Variants in ITPA observed in about 807,000 individuals in gnomAD.
ITPA encodes inosine triphosphate pyrophosphatase.
Under a neutral mutation model 29.6 loss-of-function variants are expected in ITPA, and 29 were observed. The ratio of observed to expected loss-of-function variants is 0.98; its 90% confidence interval spans 0.73 to 1.34. The LOEUF (loss-of-function observed/expected upper bound fraction) is 1.34. Ranked by LOEUF, ITPA falls within the 40% of genes most tolerant of loss-of-function variation. The pLI is 0.00. For missense variants in ITPA, 241 were observed against 251.5 expected (o/e 0.96, Z 0.28); for synonymous variants, 103 against 99.3 (o/e 1.04, Z -0.22).
intron 5 of ITPA, among the ~76,000 whole-genome samples, chr20:3,218,063 A>G (rs538174837): frequency 5.9e-5 from 9 of 152,224 alleles, no homozygotes; most frequent in East Asian, 1.9e-4. Context: ...AGCTACAGGC[A>G]TCAGCCACCA....
At chr20:3,204,466 C>A, upstream of ITPA, 1 of 1,458,010 alleles carries the variant, frequency 6.9e-7, no homozygotes, top group Non-Finnish European at 9.2e-7. Context: ...AGCCGCGGCG[C>A]GACGGTCCAC....
Position 3,215,286 on chromosome 20 carries a change from G to T in ITPA, c.269G>T (p.Trp90Leu). Residue 90 changes from tryptophan to leucine, a missense_variant, in exon 5 of 8, where the codon TGG (tryptophan) becomes TTG (leucine). Coordinates refer to ENST00000380113, the MANE Select transcript of ITPA (RefSeq NM_033453.4). Reference sequence around the variant, plus strand: ...GTCCTTTCTTTCTCTTGCAGAAAGTGGTTTCTGGAGAAGTTAAAGCCTGAA... The same window carrying T: ...GTCCTTTCTTTCTCTTGCAGAAAGTTGTTTCTGGAGAAGTTAAAGCCTGAA... ...LGGLPGPYIK[W>L]FLEKLKPEGL... 6.2e-7 allele frequency: 1 copy of T among 1,613,896 alleles called. No individual in the cohort carries two copies.
chr20:3,218,738 G>A, intron 6 of ITPA, 106 bp downstream of exon 6: 1 of 786,136 alleles, frequency 1.3e-6, no homozygotes, highest in South Asian at 1.4e-5. Flanking sequence ...GGGCGCCTTG[G>A]GGCCAGAGAT....
chr20:3,206,387 C>CAAAAA (rs143721062), upstream of ITPA, among the ~76,000 whole-genome samples: 1 of 33,622 alleles, frequency 3.0e-5, no homozygotes, highest in Non-Finnish European at 5.7e-5. Context: ...GACTCAGTCT[C>CAAAAA]AAAAAAAAAA....
At chr20:3,213,097 C>A in intron 1 of ITPA, 72 bp from the exon 2 acceptor site, 1 of 1,430,040 alleles carries the variant, frequency 7.0e-7, no homozygotes, top group Non-Finnish European at 9.9e-7. Context: ...ATGAGAAAGG[C>A]GGATGACAGC....
chr20:3,209,449 CT>C (rs1272764628), upstream of ITPA: 4 of 1,141,394 alleles, frequency 3.5e-6, no homozygotes, highest in Admixed American at 3.9e-5. The surrounding 1 kb of genome is among the most constrained non-coding windows in gnomAD (Gnocchi z 4.6). Flanking sequence ...CCCGGGACCC[CT>C]GGCCGGAAAC....
intron 6 of ITPA, chr20:3,219,169 A>G (rs1207886214): frequency 8.3e-6 from 1 of 120,438 alleles, no homozygotes; most frequent in African/African-American, 3.0e-5. Flanking sequence ...CCAGCTTTTC[A>G]TGTTTATGTA....
intron 6 of ITPA, among the ~76,000 whole-genome samples, chr20:3,219,746 CAAAAAAA>C (rs34376287): frequency 3.5e-5 from 4 of 115,188 alleles, no homozygotes; most frequent in Non-Finnish European, 6.8e-5. Flanking sequence ...ACTCCGTCTC[CAAAAAAA>C]AAAAAAAAAG....
At chr20:3,217,746 G>A (rs1327331113) in intron 5 of ITPA, among the ~76,000 whole-genome samples, 1 of 152,058 alleles carries the variant, frequency 6.6e-6, no homozygotes, top group African/African-American at 2.4e-5. Context: ...TGGGATTACA[G>A]GTATGAGCCA....
At chr20:3,227,021 G>A (rs536602054), downstream of ITPA, among the ~76,000 whole-genome samples, 1 of 152,298 alleles carries the variant, frequency 6.6e-6, no homozygotes, top group South Asian at 2.1e-4. Context: ...AGATGGGATG[G>A]TTCACAAGTG....
upstream of ITPA, among the ~76,000 whole-genome samples, chr20:3,205,179 C>T (rs2067062167): frequency 6.6e-6 from 1 of 152,126 alleles, no homozygotes; most frequent in African/African-American, 2.4e-5. Context: ...ACTAAACAAT[C>T]CCACATAGTG....
chr20:3,204,487 A>G (rs1416883845), upstream of ITPA: 2 of 1,524,260 alleles, frequency 1.3e-6, no homozygotes, highest in Admixed American at 2.0e-5. Flanking sequence ...AAAGGCTCAG[A>G]AGGCCAGAAA....
At chr20:3,211,402 G>T (rs1473875272) in intron 1 of ITPA, among the ~76,000 whole-genome samples, 1 of 152,040 alleles carries the variant, frequency 6.6e-6, no homozygotes, top group African/African-American at 2.4e-5. Flanking sequence ...CTGACCTCAA[G>T]TGATCCACCC....
intron 6 of ITPA, chr20:3,221,625 A>G (rs2067465436): frequency 6.2e-6 from 4 of 641,728 alleles, no homozygotes; most frequent in South Asian, 5.2e-5. Flanking sequence ...CTGTGGGTCC[A>G]TGCCTCCTCC....
chr20:3,213,270 C>G lies in ITPA; in HGVS notation c.124+44C>G, dbSNP rs369545461. 78 of 1,614,186 alleles carry G rather than the reference C, an allele frequency of 4.8e-5. No homozygotes were observed. The African/African-American group carries it at 9.5e-4, about 20-fold the overall frequency. ...TTATTTTTAAAAGATGGTTGGATTTCTCTGTCTTCCTGTGACCTGACTTTC... is the reference window on the plus strand; with the variant it reads ...TTATTTTTAAAAGATGGTTGGATTTGTCTGTCTTCCTGTGACCTGACTTTC... On this transcript the variant is annotated intron_variant, in intron 2 of 7. Coordinates refer to ENST00000380113, the MANE Select transcript of ITPA (RefSeq NM_033453.4).
At chr20:3,213,548 T>G in intron 3 of ITPA, 165 bp downstream of exon 3, 1 of 779,614 alleles carries the variant, frequency 1.3e-6, no homozygotes, top group Non-Finnish European at 2.1e-6. Flanking sequence ...ACTGCCTTCC[T>G]TTGCCAGCCT....
chr20:3,225,986 G>C (rs576058019), downstream of ITPA, among the ~76,000 whole-genome samples: 22 of 152,318 alleles, frequency 1.4e-4, no homozygotes, highest in South Asian at 4.3e-3. Flanking sequence ...CCGAGATCAC[G>C]CCCTTGCACA....
rs181397424 is a variant in ITPA at position 3,218,737 on chromosome 20, G to C, written c.411+105G>C. ...GGGAGGGTGGTGGGAGGGGCGCCTT[G>C]GGGCCAGAGATATCTGTGCCTTGCT... is the stretch of plus-strand genomic sequence containing the variant. On this transcript the variant is annotated intron_variant, in intron 6 of 7. Coordinates refer to ENST00000380113, the MANE Select transcript of ITPA (RefSeq NM_033453.4). 572 of 789,778 alleles carry C rather than the reference G, an allele frequency of 7.2e-4. 4 individuals carry two copies. In the African/African-American group the frequency reaches 7.7e-3, roughly 11 times the overall value. 48.9% of individuals were successfully genotyped at this position (789,778 alleles called of 1,614,324 possible). A position where few individuals can be genotyped will look rare whatever the true frequency, so the allele number is the denominator to read the frequency against.
At chr20:3,213,517 A>G in intron 3 of ITPA, 134 bp downstream of exon 3, 1 of 1,058,022 alleles carries the variant, frequency 9.5e-7, no homozygotes, top group Non-Finnish European at 1.4e-6. Context: ...TCTAGGGTTC[A>G]GTTAATATTG....
Sources: gnomAD v4.1 joint callset for allele counts (sites outside exome capture counted in the v4.1 genomes callset) on GRCh38, gnomAD v4.1.1 for gene constraint, Gnocchi (gnomAD v3.1) non-coding constraint, MANE v1.5 for transcripts, NCBI Gene and HGNC (gene_info 2026-07-23, HGNC 2026-07-21) for gene names.